BPIFB4: variants seen among roughly 807,000 people sequenced by gnomAD.
BPIFB4 encodes the protein BPI fold containing family B member 4.
Under a neutral mutation model 69.2 loss-of-function variants are expected in BPIFB4, and 62 were observed. The ratio of observed to expected loss-of-function variants is 0.90; its 90% CI spans 0.73 to 1.11. BPIFB4 has a LOEUF of 1.11. Among genes scored for constraint, BPIFB4 ranks in the 50% least tolerant of loss-of-function variants. BPIFB4 has a pLI of 0.00. For missense variants in BPIFB4, 789 were observed against 792.0 expected (o/e 1.00, Z 0.04); for synonymous variants, 330 against 332.7 (o/e 0.99, Z 0.09).
intron 14 of BPIFB4, among the ~76,000 whole-genome samples, chr20:33,100,979 A>T (rs911626556): frequency 2.0e-5 from 3 of 152,054 alleles, no homozygotes; most frequent in Admixed American, 2.0e-4. Context: ...CAGGAGCTTG[A>T]GGTTGTGGTG....
intron 7 of BPIFB4, 27 bp from the exon 8 acceptor site, chr20:33,088,939 G>C (rs1463815950): frequency 6.2e-7 from 1 of 1,613,264 alleles, no homozygotes; most frequent in East Asian, 2.2e-5. Flanking sequence ...TGCGAGCCTT[G>C]ACCTCATCCT....
chr20:33,090,678 C>T (rs1371305540), intron 9 of BPIFB4, 30 bp from the exon 10 acceptor site: 1 of 1,611,814 alleles, frequency 6.2e-7, no homozygotes, highest in African/African-American at 1.3e-5. Flanking sequence ...GGTGAGGGGA[C>T]CTCCCTGTGA....
rs1981721804 is a variant in BPIFB4, at chr20:33,095,159, T to G, written c.1398+6T>G. 1.2e-6 allele frequency: 2 copies of G among 1,604,038 alleles called. No homozygotes were observed. Among genetic ancestry groups the G allele is most frequent in the African/African-American group, 1.3e-5 (1 of 74,686 alleles). ...TGGGAGCCCTGATCCCCAAGGTATG[T>G]AAGGTGGGCAGGTCCCATTGCCTTC... On this transcript the variant is annotated splice_donor_region_variant and intron_variant, in intron 12 of 17. Coordinates refer to ENST00000375483, the MANE Select transcript of BPIFB4 (RefSeq NM_182519.3).
At chr20:33,108,933 GC>G (rs201877734) in intron 17 of BPIFB4, among the ~76,000 whole-genome samples, 1,670 of 152,256 alleles carry the variant, frequency 0.011, 21 homozygotes, top group African/African-American at 0.037. Context: ...GAAGGAAATT[GC>G]CCCCTCACAT....
rs1265375656 is a variant in BPIFB4 at position 33,106,368 on chromosome 20, TTTTC to T, written c.1745-1368_1745-1365del. ...CTGGGTGATGCTGGGGACACAGCTC[TTTTC>T]TTTCTTTTTTTTTTTTTTGAGATGG... On this transcript the variant is annotated intron_variant, in intron 16 of 17. Coordinates refer to ENST00000375483, the MANE Select transcript of BPIFB4 (RefSeq NM_182519.3). Among the ~76,000 whole-genome samples, 4 of 114,864 alleles carry T rather than the reference TTTTC, an allele frequency of 3.5e-5. No homozygotes were observed. The East Asian group carries it at 8.1e-4, about 23-fold the overall frequency. The allele number at this position is 114,864 out of a possible 152,430, so 75.4% of individuals were successfully genotyped here.
intron 6 of BPIFB4, 56 bp downstream of exon 6, chr20:33,085,052 T>C: frequency 6.4e-7 from 1 of 1,574,468 alleles, no homozygotes; most frequent in Admixed American, 1.8e-5. Context: ...AACCTCTGTA[T>C]CCATAACACA....
rs1051516484 is a variant in BPIFB4 at position 33,089,111 on chromosome 20, G to A, written c.990+82G>A. ...GCCATAGTCCAGCCTCCATCCCTGG[G>A]GGCCTGCAGGTAACCCAGAGGGACA... is the stretch of plus-strand genomic sequence containing the variant. On this transcript the variant is annotated intron_variant, in intron 8 of 17. Coordinates refer to ENST00000375483, the MANE Select transcript of BPIFB4 (RefSeq NM_182519.3). The A allele has an allele frequency of 3.5e-4, 561 of 1,596,764 alleles. 1 individual carries two copies. Among genetic ancestry groups the A allele is most frequent in the Non-Finnish European group, 3.9e-4 (451 of 1,167,704 alleles).
intron 14 of BPIFB4, among the ~76,000 whole-genome samples, chr20:33,102,073 C>T (rs1981923062): frequency 6.6e-6 from 1 of 152,172 alleles, no homozygotes; most frequent in South Asian, 2.1e-4. Flanking sequence ...AGCCTGCAGC[C>T]TGGATAAGGA....
In BPIFB4 at chr20:33,095,004, G is replaced by C. The variant is rs930648548; in HGVS notation, c.1345-96G>C. ...AGAAGACGAAGACGCCCTGCTGGGT[G>C]TTGTAAAGCATGTAGGAGTTTAATC... On this transcript the variant is annotated intron_variant, in intron 11 of 17. Coordinates refer to ENST00000375483, the MANE Select transcript of BPIFB4 (RefSeq NM_182519.3). 2.4e-6 allele frequency: 3 copies of C among 1,237,392 alleles called. No homozygotes were observed. In the African/African-American group the frequency reaches 4.5e-5, roughly 18 times the overall value. The allele number at this position is 1,237,392 out of a possible 1,614,324, so 76.7% of individuals were successfully genotyped here. A position where few individuals can be genotyped will look rare whatever the true frequency, so the allele number is the denominator to read the frequency against.
rs746006780 is a variant in BPIFB4 at position 33,083,419 on chromosome 20, A to G, written c.222A>G (p.Val74=). The change falls in exon 5 of 18, where the codon GTA becomes GTG. Residue 74 remains valine (V), a synonymous_variant. Coordinates refer to ENST00000375483, the MANE Select transcript of BPIFB4 (RefSeq NM_182519.3). The part of the protein sequence containing the change: ...NDFHVRGPPP[V]YTNGKKLDGI... ...TCCATGTCCGAGGACCCCCCCCAGTATATACCAACGGCAAAAAACTTGATG... is the reference window on the plus strand; with the variant it reads ...TCCATGTCCGAGGACCCCCCCCAGTGTATACCAACGGCAAAAAACTTGATG... 2.5e-6 allele frequency: 4 copies of G among 1,613,418 alleles called. No individual in the cohort carries two copies. The highest frequency in any genetic ancestry group is 1.7e-5 in the Admixed American group (1 of 59,960).
intron 1 of BPIFB4, 57 bp from the exon 2 acceptor site, chr20:33,080,412 T>C (rs1351711346): frequency 1.3e-5 from 2 of 152,344 alleles, no homozygotes; most frequent in African/African-American, 4.8e-5. Flanking sequence ...ATGCAGCTCG[T>C]TCCAAAATGC....
Position 33,097,680 on chromosome 20 carries a change from T to C in BPIFB4, c.1462T>C (p.Ser488Pro), listed in dbSNP as rs1168637694. The C allele has an allele frequency of 6.2e-7, 1 of 1,614,028 alleles. No individual in the cohort carries two copies. Among genetic ancestry groups the C allele is most frequent in the East Asian group, 2.2e-5 (1 of 44,882 alleles). Residue 488 changes from serine (S) to proline (P), a missense_variant, in exon 13 of 18, where the codon TCT (serine) becomes CCT (proline). By Grantham distance (74) the Ser-to-Pro change is moderately conservative. Around this residue, in one of 3 missense-constraint regions of BPIFB4, gnomAD observed 170 missense variants for 193.6 expected, o/e 0.88. Coordinates refer to ENST00000375483, the MANE Select transcript of BPIFB4 (RefSeq NM_182519.3). ...CAGGATCCAGGTGCTGAACCCACCA[T>C]CTGTGATGCTGCAGAAGGACAAAGC... Reference protein sequence around the residue: ...IIRIQVLNPPSVMLQKDKALV... With the variant: ...IIRIQVLNPPPVMLQKDKALV...
intron 13 of BPIFB4, 112 bp from the exon 14 acceptor site, chr20:33,100,314 C>G: frequency 1.2e-6 from 1 of 847,120 alleles, no homozygotes; most frequent in African/African-American, 1.7e-5. Flanking sequence ...AACCTGCCAT[C>G]ATGCTCAGGG....
rs200961874 is a variant in BPIFB4, at chr20:33,083,773, C to T, written c.576C>T (p.Gly192=). Residue 192 remains glycine, a synonymous_variant, in exon 5 of 18, where the codon GGC becomes GGT. Coordinates refer to ENST00000375483, the MANE Select transcript of BPIFB4 (RefSeq NM_182519.3). ...TCGCAGGCCAAGGTGGCCTGCTCGG[C>T]GGAGGTGGTCTCCTTGGTGATGGAG... is the stretch of plus-strand genomic sequence containing the variant. ...GILAGQGGLL[G]GGGLLGDGGL... 26 of 1,613,752 alleles carry T rather than the reference C, an allele frequency of 1.6e-5. No homozygotes were observed. In the East Asian group the frequency reaches 1.8e-4, roughly 11 times the overall value.
At chr20:33,108,421 G>GTATATATATATATATATA (rs1982135786) in intron 17 of BPIFB4, among the ~76,000 whole-genome samples, 3 of 44,672 alleles carry the variant, frequency 6.7e-5, no homozygotes, top group East Asian at 2.8e-4. Flanking sequence ...ATATATATAT[G>GTATATATATATATATATA]TCTATATATA....
At chr20:33,089,697 G>T in intron 9 of BPIFB4, 139 bp downstream of exon 9, 1 of 1,464,126 alleles carries the variant, frequency 6.8e-7, no homozygotes, top group Non-Finnish European at 9.1e-7. Flanking sequence ...CACAAGGGAG[G>T]TGCCACCTGG....
In BPIFB4 at chr20:33,097,653, A is replaced by C. The variant is rs755704401; in HGVS notation, c.1435A>C (p.Ile479Leu). 1.2e-6 allele frequency: 2 copies of C among 1,614,106 alleles called. No homozygotes were observed. The highest frequency in any genetic ancestry group is 1.7e-5 in the Admixed American group (1 of 60,028). Residue 479 changes from isoleucine (I) to leucine (L), a missense_variant, in exon 13 of 18, where the codon ATC becomes CTC. By Grantham distance (5) the Ile-to-Leu change is conservative (BLOSUM62 2). Coordinates refer to ENST00000375483, the MANE Select transcript of BPIFB4 (RefSeq NM_182519.3). ...QQYPESCPLI[I>L]RIQVLNPPSV... ...GTACCCCGAGTCCTGCCCACTTATC[A>C]TCAGGATCCAGGTGCTGAACCCACC...
chr20:33,088,352 A>AAAAG (rs1220840941), intron 7 of BPIFB4, among the ~76,000 whole-genome samples: 35 of 151,982 alleles, frequency 2.3e-4, no homozygotes, highest in Non-Finnish European at 5.9e-5. Context: ...AAAAAAAAAA[A>AAAAG]AAAAGAAAAG....
intron 10 of BPIFB4, among the ~76,000 whole-genome samples, chr20:33,091,057 G>A (rs1981586150): frequency 6.6e-6 from 1 of 152,200 alleles, no homozygotes; most frequent in Admixed American, 6.5e-5. Flanking sequence ...AACCATATGA[G>A]GGAGGCACTT....
Sources: allele counts gnomAD v4.1 joint callset (sites outside exome capture counted in the v4.1 genomes callset), GRCh38; gene constraint gnomAD v4.1.1; regional missense constraint gnomAD v4.1.1; transcripts MANE v1.5; gene names NCBI Gene and HGNC (gene_info 2026-07-23, HGNC 2026-07-21).